MYH15: variants seen among roughly 807,000 people sequenced by gnomAD.
The protein encoded by MYH15 is myosin heavy chain 15, also known as myosin-15.
In MYH15, 227 loss-of-function variants were observed where a neutral mutation model predicts 240.5. That is an observed-to-expected ratio of 0.94 (90% CI 0.85 to 1.05). The LOEUF (loss-of-function observed/expected upper bound fraction) is 1.05. Among genes scored for constraint, MYH15 ranks in the 50% least tolerant of loss-of-function variants. The probability of loss-of-function intolerance (pLI) is 0.00; values close to 1 mark genes in which losing one functional copy is unlikely to be tolerated. For synonymous variants in MYH15, 785 were observed against 796.7 expected, an observed-to-expected ratio of 0.99 and a Z score of 0.25; for missense variants, 2,217 against 2,247.5, an observed-to-expected ratio of 0.99 and a Z score of 0.27.
intron 30 of MYH15, among the ~76,000 whole-genome samples, chr3:108,411,746 C>A (rs1409822888): frequency 6.6e-6 from 1 of 152,128 alleles, no homozygotes; most frequent in East Asian, 1.9e-4. Flanking sequence ...ACTGTATGTA[C>A]CAAAGCTTTT....
At chr3:108,410,072 G>A (rs2082576352) in intron 31 of MYH15, among the ~76,000 whole-genome samples, 1 of 47,744 alleles carries the variant, frequency 2.1e-5, no homozygotes, top group African/African-American at 4.3e-5. Context: ...TATCAAATGT[G>A]AATTTGAACA....
At chr3:108,531,038 T>A (rs2083707420), upstream of MYH15, among the ~76,000 whole-genome samples, 1 of 152,158 alleles carries the variant, frequency 6.6e-6, no homozygotes, top group Non-Finnish European at 1.5e-5. Context: ...TATTGGAAAC[T>A]ATTGAAGGCT....
upstream of MYH15, among the ~76,000 whole-genome samples, chr3:108,514,909 A>C (rs2083548891): frequency 6.6e-6 from 1 of 152,166 alleles, no homozygotes; most frequent in Admixed American, 6.5e-5. Flanking sequence ...GAACCCTTGG[A>C]GGCATCTCTA....
At chr3:108,437,748 C>T (rs372172243) in intron 24 of MYH15, 49 bp from the exon 25 acceptor site, 1 of 1,574,680 alleles carries the variant, frequency 6.4e-7, no homozygotes, top group African/African-American at 1.4e-5. Flanking sequence ...AGAGTTTATA[C>T]TTCACTAGAT....
the MYH15 span, among the ~76,000 whole-genome samples, chr3:108,540,191 T>C: frequency 6.6e-6 from 1 of 152,222 alleles, no homozygotes. Context: ...GGTTACATGG[T>C]AGAATTATTT....
chr3:108,404,503 C>T (rs1204097396), intron 33 of MYH15, among the ~76,000 whole-genome samples: 1 of 152,152 alleles, frequency 6.6e-6, no homozygotes, highest in Non-Finnish European at 1.5e-5. Context: ...GTGTGAAGTG[C>T]TTTGCCAACA....
At position 108,489,796 on chromosome 3, in the gene MYH15, A is replaced by G. The variant is rs150914333; in HGVS notation, c.871+2704T>C. Among the ~76,000 whole-genome samples, 697 of 152,318 alleles carry G rather than the reference A, an allele frequency of 4.6e-3. 5 individuals are homozygous for G. Among genetic ancestry groups the G allele is most frequent in the African/African-American group, 0.016 (665 of 41,556 alleles). ...TGAAGCTCTTCTTTAGCAAACATGGATGGTAAGAGTTCCAGATCATCTTTT... is the reference window on the plus strand; with the variant it reads ...TGAAGCTCTTCTTTAGCAAACATGGGTGGTAAGAGTTCCAGATCATCTTTT... On this transcript the variant is annotated intron_variant, in intron 9 of 40. Coordinates refer to ENST00000693548, the MANE Select transcript of MYH15 (RefSeq NM_014981.3).
rs112292460 is a variant in MYH15, at chr3:108,400,312, T to C, written c.4737-1045A>G. 2.5e-3 allele frequency among the ~76,000 whole-genome samples: 380 copies of C among 152,312 alleles called. 6 individuals are homozygous for C. The highest frequency in any genetic ancestry group is 3.4e-3 in the Middle Eastern group (1 of 294). ...GTTTTAAGTCACCAAGATTTGGTGA[T>C]TGTTAGGACAGTTTAACTGCTGTAA... On this transcript the variant is annotated intron_variant, in intron 33 of 40. Transcript: ENST00000693548.
At chr3:108,425,659 A>G (rs2082719813) in intron 27 of MYH15, among the ~76,000 whole-genome samples, 1 of 152,204 alleles carries the variant, frequency 6.6e-6, no homozygotes, top group Non-Finnish European at 1.5e-5. Flanking sequence ...TGCCAGCTTC[A>G]GGAGAAACAA....
At chr3:108,470,286 A>G in intron 13 of MYH15, 74 bp from the exon 14 acceptor site, 2 of 1,072,310 alleles carry the variant, frequency 1.9e-6, no homozygotes, top group South Asian at 3.3e-5. Context: ...TGTCCAGTAA[A>G]GAAAAAACCA....
chr3:108,532,093 A>G (rs1220476054), upstream of MYH15, among the ~76,000 whole-genome samples: 1 of 152,176 alleles, frequency 6.6e-6, no homozygotes, highest in Non-Finnish European at 1.5e-5. Flanking sequence ...AAAAAGAGAG[A>G]TCAAAATTAA....
chr3:108,392,235 T>C (rs1420901814), intron 36 of MYH15, among the ~76,000 whole-genome samples: 1 of 152,208 alleles, frequency 6.6e-6, no homozygotes, highest in African/African-American at 2.4e-5. Flanking sequence ...ACTGAAGCAA[T>C]GGCTTTTAAT....
intron 30 of MYH15, among the ~76,000 whole-genome samples, chr3:108,413,097 C>G (rs1479738643): frequency 6.6e-6 from 1 of 152,106 alleles, no homozygotes; most frequent in Middle Eastern, 3.2e-3. Flanking sequence ...CCAAAAGAAA[C>G]CATCAAACAG....
intron 5 of MYH15, among the ~76,000 whole-genome samples, chr3:108,498,356 T>G (rs963899099): frequency 6.6e-6 from 1 of 152,202 alleles, no homozygotes; most frequent in African/African-American, 2.4e-5. Flanking sequence ...AGCAAAAATC[T>G]GGAGTTAGAA....
intron 12 of MYH15, among the ~76,000 whole-genome samples, chr3:108,475,118 T>A (rs2083209499): frequency 6.6e-6 from 1 of 152,182 alleles, no homozygotes; most frequent in Admixed American, 6.5e-5. Flanking sequence ...GGGAAACACA[T>A]CTATTCTAGT....
Position 108,507,219 on chromosome 3 carries a change from G to A in MYH15, c.89-1390C>T, listed in dbSNP as rs1018769801. ...AATATATCATACTTTCCTTTTAAAG[G>A]AAAATGAATATATATATATATATAT... On this transcript the variant is annotated intron_variant, in intron 1 of 40. Coordinates refer to ENST00000693548, the MANE Select transcript of MYH15 (RefSeq NM_014981.3). 7.5e-4 allele frequency among the ~76,000 whole-genome samples: 60 copies of A among 80,340 alleles called. 1 individual carries two copies. Among genetic ancestry groups the A allele is most frequent in the African/African-American group, 2.7e-3 (51 of 18,790 alleles). The allele number at this position is 80,340 out of a possible 152,430, so 52.7% of individuals were successfully genotyped here. A position where few individuals can be genotyped will look rare whatever the true frequency, so the allele number is the denominator to read the frequency against.
At chr3:108,497,523 A>G (rs551844163) in intron 6 of MYH15, among the ~76,000 whole-genome samples, 2 of 152,288 alleles carry the variant, frequency 1.3e-5, no homozygotes, top group South Asian at 4.1e-4. Flanking sequence ...AGTAAGCTAA[A>G]CTAAAATGAA....
chr3:108,507,081 C>T (rs1465444695), intron 1 of MYH15, among the ~76,000 whole-genome samples: 2 of 151,752 alleles, frequency 1.3e-5, no homozygotes, highest in Non-Finnish European at 2.9e-5. Context: ...TGGTGCATGA[C>T]TGTAATCTTA....
Position 108,441,273 on chromosome 3 carries a change from G to C in MYH15, c.2656-13C>G. 6.2e-7 allele frequency: 1 copy of C among 1,612,326 alleles called. No homozygotes were observed. Among genetic ancestry groups the C allele is most frequent in the Non-Finnish European group, 8.5e-7 (1 of 1,178,720 alleles). The stretch of plus-strand genomic sequence containing the variant: ...GTGTCTCTTGCTCCTGCCATGATGA[G>C]GAGAAAATTGTTGCCAACAGCTGGA... On this transcript the variant is annotated splice_polypyrimidine_tract_variant and intron_variant, in intron 22 of 40. Coordinates refer to ENST00000693548, the MANE Select transcript of MYH15 (RefSeq NM_014981.3).
Sources: gnomAD v4.1 joint callset for allele counts (sites outside exome capture counted in the v4.1 genomes callset) on GRCh38, gnomAD v4.1.1 for gene constraint, MANE v1.5 for transcripts, NCBI Gene and HGNC (gene_info 2026-07-23, HGNC 2026-07-21) for gene names.